PCDH9: variants seen among roughly 807,000 people sequenced by gnomAD.
PCDH9 encodes protocadherin-9.
In PCDH9, 24 loss-of-function variants were observed where a neutral mutation model predicts 70.6. The observed-to-expected ratio is 0.34, with a 90% CI of 0.25 to 0.48. The LOEUF (loss-of-function observed/expected upper bound fraction) is 0.48, where lower values mean the gene tolerates loss of function less well. Among genes scored for constraint, PCDH9 ranks in the 20% least tolerant of loss-of-function variants. The pLI is 0.99. For synonymous variants in PCDH9, 562 were observed against 558.5 expected, an observed-to-expected ratio of 1.01 and a Z score of -0.09; for missense variants, 1,281 against 1,503.6, an observed-to-expected ratio of 0.85 and a Z score of 2.45.
At chr13:67,158,711 G>C (rs1416768165) in intron 2 of PCDH9, among the ~76,000 whole-genome samples, 1 of 152,184 alleles carries the variant, frequency 6.6e-6, no homozygotes, top group African/African-American at 2.4e-5. Context: ...CCCACTCTAT[G>C]ATGTTCTGTT....
intron 4 of PCDH9, among the ~76,000 whole-genome samples, chr13:66,559,839 C>CAT (rs1311208776): frequency 7.1e-6 from 1 of 140,308 alleles, no homozygotes; most frequent in East Asian, 2.1e-4. Flanking sequence ...TATATACACA[C>CAT]ACACACACAC....
At chr13:66,918,977 A>T (rs2082598826) in intron 2 of PCDH9, among the ~76,000 whole-genome samples, 1 of 151,172 alleles carries the variant, frequency 6.6e-6, no homozygotes, top group Non-Finnish European at 1.5e-5. Context: ...TTACTCTTGG[A>T]AAGCCATCAT....
At chr13:66,495,535 T>C (rs1049875792) in intron 4 of PCDH9, among the ~76,000 whole-genome samples, 1 of 152,172 alleles carries the variant, frequency 6.6e-6, no homozygotes, top group African/African-American at 2.4e-5. Context: ...ACATAGTGCT[T>C]TGGAAACAGA....
intron 4 of PCDH9, among the ~76,000 whole-genome samples, chr13:66,332,585 T>C (rs957953551): frequency 1.3e-5 from 2 of 151,872 alleles, no homozygotes; most frequent in Non-Finnish European, 2.9e-5. Flanking sequence ...CACAAGTCAA[T>C]AGAGAAGGTG....
chr13:67,227,211 A>G lies in PCDH9; in HGVS notation c.1230T>C (p.His410=). The change falls in exon 2 of 5, where the codon CAT becomes CAC. Residue 410 remains histidine (H), a synonymous_variant. Transcript: ENST00000377865. This position sits in a 1 kb window ranked among gnomAD's most constrained non-coding sequence, Gnocchi z 4.6. The stretch of plus-strand genomic sequence containing the variant: ...ATTGGTTGTCATATACCGCCTTCAA[A>G]TGAAATGGGACCTCTCTTTCAATAA... ...ICFIEREVPF[H]LKAVYDNQYL... The G allele has an allele frequency of 2.5e-6, 4 of 1,613,782 alleles. No homozygotes were observed. Among genetic ancestry groups the G allele is most frequent in the Non-Finnish European group, 3.4e-6 (4 of 1,179,652 alleles).
intron 2 of PCDH9, among the ~76,000 whole-genome samples, chr13:66,920,198 T>TG (rs1464481286): frequency 1.3e-5 from 2 of 151,178 alleles, no homozygotes; most frequent in Admixed American, 6.6e-5. Context: ...TAACTTTTGC[T>TG]GGGGAATGAT....
intron 2 of PCDH9, among the ~76,000 whole-genome samples, chr13:66,980,784 C>G (rs1159084542): frequency 2.5e-5 from 2 of 79,748 alleles, no homozygotes; most frequent in African/African-American, 9.5e-5. Context: ...TTGCTTAGTA[C>G]TTGGCACCCA....
intron 2 of PCDH9, among the ~76,000 whole-genome samples, chr13:66,958,819 C>A (rs753617210): frequency 3.3e-5 from 5 of 152,138 alleles, no homozygotes; most frequent in African/African-American, 1.2e-4. Context: ...TAAGTACCCA[C>A]GCTAGAGAGG....
intron 2 of PCDH9, among the ~76,000 whole-genome samples, chr13:66,960,148 T>C (rs2083323817): frequency 6.6e-6 from 1 of 152,332 alleles, no homozygotes; most frequent in African/African-American, 2.4e-5. Flanking sequence ...AAAACACCTC[T>C]GCTGACCTCA....
At position 66,934,221 on chromosome 13, in the gene PCDH9, T is replaced by C. The variant is rs529982990; in HGVS notation, c.3037-30616A>G. 1.2e-3 allele frequency among the ~76,000 whole-genome samples: 176 copies of C among 152,100 alleles called. 1 individual carries two copies. The highest frequency in any genetic ancestry group is 3.9e-3 in the African/African-American group (163 of 41,516). ...TATTATTCAAACATCTTCACCAGTCTCTACCACCTAAGAAAAATGCAAAAA... is the reference window on the plus strand; with the variant it reads ...TATTATTCAAACATCTTCACCAGTCCCTACCACCTAAGAAAAATGCAAAAA... On this transcript the variant is annotated intron_variant, in intron 2 of 4. Coordinates refer to ENST00000377865, the MANE Select transcript of PCDH9 (RefSeq NM_203487.3).
chr13:66,600,765 CGTGTGTGT>C (rs10579707), intron 4 of PCDH9, among the ~76,000 whole-genome samples: 7,683 of 133,004 alleles, frequency 0.058, 990 homozygotes, highest in Middle Eastern at 0.1. Context: ...TAATTAAGAA[CGTGTGTGT>C]GTGTGTGTGT....
At chr13:66,716,635 T>G (rs1480768172) in intron 3 of PCDH9, among the ~76,000 whole-genome samples, 4 of 152,212 alleles carry the variant, frequency 2.6e-5, no homozygotes, top group African/African-American at 7.2e-5. Flanking sequence ...TAGCTATGAT[T>G]CTTCTCCCTG....
At chr13:67,105,231 A>C (rs1431120544) in intron 2 of PCDH9, among the ~76,000 whole-genome samples, 9 of 152,194 alleles carry the variant, frequency 5.9e-5, no homozygotes, top group Admixed American at 5.9e-4. Flanking sequence ...AGAAGATCGT[A>C]ATATTTTTGT....
At chr13:66,424,250 C>T (rs1230487445) in intron 4 of PCDH9, among the ~76,000 whole-genome samples, 3 of 152,094 alleles carry the variant, frequency 2.0e-5, no homozygotes, top group Non-Finnish European at 4.4e-5. Context: ...GGCCATACTG[C>T]CCAGAGTAAT....
intron 2 of PCDH9, among the ~76,000 whole-genome samples, chr13:67,005,978 G>A (rs2084343321): frequency 6.6e-6 from 1 of 152,170 alleles, no homozygotes. Context: ...TGTAATCCCA[G>A]CACTTTGGGA....
chr13:66,998,281 T>C (rs2084164656), intron 2 of PCDH9, among the ~76,000 whole-genome samples: 1 of 152,150 alleles, frequency 6.6e-6, no homozygotes, highest in Admixed American at 6.5e-5. Flanking sequence ...TTTAAGGAGT[T>C]CTTGGAATTG....
intron 4 of PCDH9, among the ~76,000 whole-genome samples, chr13:66,505,325 G>A (rs1959200069): frequency 6.6e-6 from 1 of 152,174 alleles, no homozygotes. Context: ...GATGGAAGGT[G>A]AATGAGAGTA....
At chr13:67,211,071 C>T (rs905552099) in intron 2 of PCDH9, 1 of 151,796 alleles carries the variant, frequency 6.6e-6, no homozygotes, top group African/African-American at 2.4e-5. Context: ...ATTAGTTTAC[C>T]AAACTGTTCA....
Position 67,216,687 on chromosome 13 carries a change from T to TATATATATATATATATATATATGG in PCDH9, c.3036+8717_3036+8718insCCATATATATATATATATATATAT, listed in dbSNP as rs1169463870. 158 of 138,312 alleles carry TATATATATATATATATATATATGG rather than the reference T, an allele frequency of 1.1e-3. 3 individuals carry two copies. The highest frequency in any genetic ancestry group is 4.0e-3 in the African/African-American group (153 of 38,444). 8.6% of individuals were successfully genotyped at this position (138,312 alleles called of 1,614,324 possible). On this transcript the variant is annotated intron_variant, in intron 2 of 4. Coordinates refer to ENST00000377865, the MANE Select transcript of PCDH9 (RefSeq NM_203487.3). Reference sequence around the variant, plus strand: ...CTTTGTGGTTGTCTTAAGCAACATATATATATATATATATATATATGGATA... The same window carrying TATATATATATATATATATATATGG: ...CTTTGTGGTTGTCTTAAGCAACATATATATATATATATATATATATATGGATATATATATATATATATATGGATA...
Sources: allele counts gnomAD v4.1 joint callset (sites outside exome capture counted in the v4.1 genomes callset), GRCh38; gene constraint gnomAD v4.1.1; non-coding constraint Gnocchi (gnomAD v3.1); transcripts MANE v1.5; gene names NCBI Gene and HGNC (gene_info 2026-07-23, HGNC 2026-07-21).